SGCZ: variants seen among roughly 807,000 people sequenced by gnomAD.
SGCZ encodes sarcoglycan zeta, also known as zeta-sarcoglycan.
In SGCZ, 40 loss-of-function variants were observed where a neutral mutation model predicts 41.3. The ratio of observed to expected loss-of-function variants is 0.97; its 90% CI spans 0.75 to 1.26. The LOEUF (loss-of-function observed/expected upper bound fraction) is 1.26, where lower values mean the gene tolerates loss of function less well. SGCZ is among the 50% of genes most tolerant of loss of function. The pLI is 0.00. For missense variants in SGCZ, 552 were observed against 369.8 expected, an observed-to-expected ratio of 1.49 and a Z score of -4.04; for synonymous variants, 206 against 137.5, an observed-to-expected ratio of 1.50 and a Z score of -3.49.
chr8:14,974,533 G>C (rs890540804), intron 1 of SGCZ, among the ~76,000 whole-genome samples: 2 of 152,126 alleles, frequency 1.3e-5, no homozygotes, highest in African/African-American at 4.8e-5. Context: ...GAATTAATCA[G>C]AGGTCTCTGA....
chr8:14,839,385 T>C (rs1340039593), intron 1 of SGCZ, among the ~76,000 whole-genome samples: 3 of 152,138 alleles, frequency 2.0e-5, no homozygotes, highest in Non-Finnish European at 4.4e-5. Context: ...TGTTAGGAAA[T>C]ACTCATGTTA....
intron 1 of SGCZ, among the ~76,000 whole-genome samples, chr8:14,828,390 G>T (rs1802412773): frequency 6.6e-6 from 1 of 152,196 alleles, no homozygotes; most frequent in South Asian, 2.1e-4. Flanking sequence ...ATTTCAATTG[G>T]TTCCACTTAC....
In SGCZ at chr8:14,391,685, T is replaced by C. The variant is rs560712962; in HGVS notation, c.235-67481A>G. ...ATGTGATCGCTTGGATTTAGGGATATAGTGACGAACGGGAGTGTTTTAGTT... is the reference window on the plus strand; with the variant it reads ...ATGTGATCGCTTGGATTTAGGGATACAGTGACGAACGGGAGTGTTTTAGTT... On this transcript the variant is annotated intron_variant, in intron 2 of 7. Coordinates refer to ENST00000382080, the MANE Select transcript of SGCZ (RefSeq NM_139167.4). Among the ~76,000 whole-genome samples, 6 of 152,244 alleles carry C rather than the reference T, an allele frequency of 3.9e-5. No homozygotes were observed. In the East Asian group the frequency reaches 5.8e-4, roughly 15 times the overall value.
intron 1 of SGCZ, among the ~76,000 whole-genome samples, chr8:14,706,243 T>G (rs1455030638): frequency 2.6e-5 from 4 of 151,992 alleles, no homozygotes; most frequent in African/African-American, 9.7e-5. Context: ...CACACTGCCC[T>G]TTTTAAAACC....
chr8:15,236,573 G>GC (rs1384835888), intron 1 of SGCZ, among the ~76,000 whole-genome samples: 1 of 152,110 alleles, frequency 6.6e-6, no homozygotes, highest in African/African-American at 2.4e-5. Flanking sequence ...TTCCAGTGTC[G>GC]CCCCCTTTCC....
chr8:15,232,240 A>G (rs4831692), intron 1 of SGCZ, among the ~76,000 whole-genome samples: 151,699 of 152,332 alleles, frequency 1, 75,537 homozygotes, highest in Middle Eastern at 1. Flanking sequence ...ATGTCCCAAA[A>G]ACAGATGTGG....
chr8:14,578,794 T>C lies in SGCZ; in HGVS notation c.40-23868A>G, dbSNP rs892679946. Among the ~76,000 whole-genome samples, 7 of 152,206 alleles carry C rather than the reference T, an allele frequency of 4.6e-5. No individual in the cohort carries two copies. In the East Asian group the frequency reaches 1.3e-3, roughly 29 times the overall value. ...AATCCTGGCATATAAGGGTCTAGTA[T>C]AGTCATTAAGACATTGTCTCTCTGT... is the stretch of plus-strand genomic sequence containing the variant. On this transcript the variant is annotated intron_variant, in intron 1 of 7. Transcript: ENST00000382080.
intron 1 of SGCZ, among the ~76,000 whole-genome samples, chr8:15,031,938 T>TCTCTCC (rs1491369621): frequency 1.4e-5 from 2 of 144,208 alleles, no homozygotes; most frequent in Non-Finnish European, 3.1e-5. Context: ...TCTCTCTCTC[T>TCTCTCC]GTCTGTCTGT....
intron 1 of SGCZ, among the ~76,000 whole-genome samples, chr8:14,566,257 A>G (rs1019440384): frequency 6.6e-6 from 1 of 152,244 alleles, no homozygotes; most frequent in Non-Finnish European, 1.5e-5. Context: ...ATTTTAAAAG[A>G]GAAAAAAGAT....
At chr8:14,661,873 T>C (rs1807762092) in intron 1 of SGCZ, among the ~76,000 whole-genome samples, 2 of 152,116 alleles carry the variant, frequency 1.3e-5, no homozygotes. Context: ...AGATAATTTA[T>C]CTTTGGCTTG....
chr8:15,237,552 G>T (rs765027155), intron 1 of SGCZ, 33 bp downstream of exon 1: 1 of 1,582,026 alleles, frequency 6.3e-7, no homozygotes, highest in East Asian at 2.3e-5. Flanking sequence ...GCGCCGAGAA[G>T]CGGCCGCGAA....
At chr8:14,422,044 T>C (rs1256200785) in intron 2 of SGCZ, among the ~76,000 whole-genome samples, 1 of 152,146 alleles carries the variant, frequency 6.6e-6, no homozygotes, top group Non-Finnish European at 1.5e-5. Context: ...AATTTCTTTT[T>C]AATACTCAAA....
intron 2 of SGCZ, among the ~76,000 whole-genome samples, chr8:14,546,376 C>T (rs920417549): frequency 1.4e-4 from 22 of 152,118 alleles, no homozygotes; most frequent in Admixed American, 8.5e-4. Flanking sequence ...GCTTTCTTAT[C>T]GTGGACAATG....
At chr8:14,367,573 A>G (rs527382650) in intron 2 of SGCZ, among the ~76,000 whole-genome samples, 2 of 152,254 alleles carry the variant, frequency 1.3e-5, no homozygotes, top group East Asian at 3.9e-4. Flanking sequence ...GGCCTCAGGA[A>G]ACTTATAATC....
At chr8:15,091,744 A>G (rs1806160000) in intron 1 of SGCZ, among the ~76,000 whole-genome samples, 1 of 152,058 alleles carries the variant, frequency 6.6e-6, no homozygotes, top group African/African-American at 2.4e-5. Flanking sequence ...GAGGACTCCT[A>G]ATTTATTTTT....
At chr8:14,589,750 G>A (rs1049342938) in intron 1 of SGCZ, among the ~76,000 whole-genome samples, 2 of 152,188 alleles carry the variant, frequency 1.3e-5, no homozygotes, top group Non-Finnish European at 2.9e-5. Flanking sequence ...AAAACACACA[G>A]CACAAACTAT....
chr8:14,169,311 A>AG (rs1341972298), intron 4 of SGCZ, among the ~76,000 whole-genome samples: 1 of 152,082 alleles, frequency 6.6e-6, no homozygotes, highest in Non-Finnish European at 1.5e-5. Flanking sequence ...CATCCTCCTA[A>AG]GACCCTTGGC....
At chr8:14,890,979 A>G (rs1409143205) in intron 1 of SGCZ, among the ~76,000 whole-genome samples, 1 of 152,200 alleles carries the variant, frequency 6.6e-6, no homozygotes, top group African/African-American at 2.4e-5. Flanking sequence ...GAATAGTTTA[A>G]GCCCTCTATT....
intron 1 of SGCZ, among the ~76,000 whole-genome samples, chr8:14,678,128 T>G (rs926181948): frequency 8.5e-5 from 13 of 152,214 alleles, no homozygotes; most frequent in African/African-American, 2.9e-4. Flanking sequence ...AGCTTTTGTT[T>G]GGCAATGTTG....
Sources: allele counts gnomAD v4.1 joint callset (sites outside exome capture counted in the v4.1 genomes callset), GRCh38; gene constraint gnomAD v4.1.1; transcripts MANE v1.5; gene names NCBI Gene and HGNC (gene_info 2026-07-23, HGNC 2026-07-21).